The following SH3RF2 variants were observed in gnomAD, a reference collection of about 807,000 sequenced individuals.
SH3RF2 encodes SH3 domain containing ring finger 2, also known as E3 ubiquitin-protein ligase SH3RF2.
SH3RF2 carries 43 observed loss-of-function variants against 59.0 expected under a neutral mutation model. The ratio of observed to expected loss-of-function variants is 0.73; its 90% CI spans 0.57 to 0.94. The LOEUF (loss-of-function observed/expected upper bound fraction) is 0.94, where lower values mean the gene tolerates loss of function less well. SH3RF2 is among the 40% of genes least tolerant of loss of function. The probability of loss-of-function intolerance (pLI) is 0.00; values close to 1 mark genes in which losing one functional copy is unlikely to be tolerated. For missense variants in SH3RF2, 930 were observed against 940.1 expected, an observed-to-expected ratio of 0.99 and a Z score of 0.14; for synonymous variants, 391 against 391.5, an observed-to-expected ratio of 1.00 and a Z score of 0.01.
At chr5:145,987,515 C>T (rs1269731049) in intron 2 of SH3RF2, among the ~76,000 whole-genome samples, 1 of 152,152 alleles carries the variant, frequency 6.6e-6, no homozygotes, top group African/African-American at 2.4e-5. Flanking sequence ...TATAAATAAG[C>T]AGCTAATAAA....
intron 2 of SH3RF2, among the ~76,000 whole-genome samples, chr5:145,984,735 C>G (rs1759634478): frequency 6.6e-6 from 1 of 152,198 alleles, no homozygotes; most frequent in Non-Finnish European, 1.5e-5. Context: ...AAGTTCAGCT[C>G]TATAGGCAGG....
chr5:145,987,602 T>C (rs1759764511), intron 2 of SH3RF2, among the ~76,000 whole-genome samples: 1 of 152,232 alleles, frequency 6.6e-6, no homozygotes. Context: ...ATAATTCTTT[T>C]CCTTCATCAC....
At chr5:146,040,243 G>C (rs138855903) in intron 5 of SH3RF2, among the ~76,000 whole-genome samples, 99 of 152,230 alleles carry the variant, frequency 6.5e-4, no homozygotes, top group African/African-American at 2.3e-3. Flanking sequence ...GCAGGTGTCT[G>C]TTTTACGGGT....
intron 7 of SH3RF2, among the ~76,000 whole-genome samples, chr5:146,049,575 A>C (rs779349436): frequency 7.9e-5 from 12 of 152,052 alleles, no homozygotes; most frequent in Non-Finnish European, 1.6e-4. Flanking sequence ...TTTCTTCTGC[A>C]CAAATCCCAG....
chr5:146,028,163 AACACACACACACACACACACAC>A (rs10586561), intron 5 of SH3RF2, among the ~76,000 whole-genome samples: 11 of 142,308 alleles, frequency 7.7e-5, no homozygotes, highest in African/African-American at 2.7e-4. Context: ...TGAGGCCTGC[AACACACACACACACACACACAC>A]ACACACACAC....
exon 10 of SH3RF2, chr5:146,079,882 C>G (rs982928302): frequency 6.6e-6 from 1 of 152,108 alleles, no homozygotes; most frequent in Non-Finnish European, 1.5e-5. Flanking sequence ...TCTTCAAAGC[C>G]CTCTTAGTCA....
At position 145,960,498 on chromosome 5, in the gene SH3RF2, C is replaced by A. The variant is rs1249420746; in HGVS notation, c.378+22192C>A. 2.6e-5 allele frequency among the ~76,000 whole-genome samples: 4 copies of A among 152,252 alleles called. No individual in the cohort carries two copies. The East Asian group carries it at 7.7e-4, about 29-fold the overall frequency. On this transcript the variant is annotated intron_variant, in intron 2 of 9. Transcript: ENST00000359120. ...ATTTTGGACTTAAATGATCCAGAAG[C>A]TTTCCAAAAAAGGCCTGATTCTAAC...
intron 4 of SH3RF2, among the ~76,000 whole-genome samples, chr5:146,008,588 G>A (rs1176804400): frequency 2.6e-5 from 4 of 152,082 alleles, no homozygotes; most frequent in Admixed American, 6.6e-5. Flanking sequence ...CCCTATTTCT[G>A]TTCTGGCACT....
intron 5 of SH3RF2, among the ~76,000 whole-genome samples, chr5:146,024,046 T>G (rs1336182925): frequency 6.6e-6 from 1 of 152,250 alleles, no homozygotes; most frequent in Non-Finnish European, 1.5e-5. Flanking sequence ...TTTTGGCTAT[T>G]TTGAATAATG....
intron 2 of SH3RF2, among the ~76,000 whole-genome samples, chr5:145,962,959 G>A (rs562600698): frequency 2.7e-4 from 38 of 142,412 alleles, no homozygotes; most frequent in African/African-American, 8.1e-4. Flanking sequence ...GTGCAGTGGC[G>A]CAATCTTGGC....
At chr5:146,040,619 G>A (rs972954845) in intron 5 of SH3RF2, among the ~76,000 whole-genome samples, 1 of 152,148 alleles carries the variant, frequency 6.6e-6, no homozygotes, top group Admixed American at 6.5e-5. Flanking sequence ...TATAACCCCT[G>A]CAGACCTGGC....
chr5:146,043,660 C>T (rs1418744171), intron 5 of SH3RF2: 2 of 152,184 alleles, frequency 1.3e-5, no homozygotes, highest in Admixed American at 1.3e-4. Flanking sequence ...TCTTGGCAAC[C>T]CTTAATCTGT....
intron 9 of SH3RF2, among the ~76,000 whole-genome samples, chr5:146,068,366 G>C (rs1356939730): frequency 1.3e-5 from 2 of 152,336 alleles, no homozygotes; most frequent in Non-Finnish European, 2.9e-5. Context: ...CTCTCCAGCT[G>C]GGACCAAGTG....
At chr5:145,993,989 G>A (rs1318149459) in intron 2 of SH3RF2, among the ~76,000 whole-genome samples, 1 of 152,156 alleles carries the variant, frequency 6.6e-6, no homozygotes, top group East Asian at 1.9e-4. Context: ...AAAACTGAAT[G>A]CCTTTAACAG....
chr5:145,992,048 G>T (rs544152253), intron 2 of SH3RF2, among the ~76,000 whole-genome samples: 45 of 152,228 alleles, frequency 3.0e-4, no homozygotes, highest in African/African-American at 1.0e-3. Flanking sequence ...ACACCTCCCA[G>T]ATTCTCATAG....
intron 5 of SH3RF2, among the ~76,000 whole-genome samples, chr5:146,019,887 G>C (rs1554116661): frequency 2.6e-5 from 4 of 151,988 alleles, no homozygotes; most frequent in Non-Finnish European, 4.4e-5. Flanking sequence ...AAGGGATTGA[G>C]TTCTTTATTT....
At chr5:145,937,783 A>C in intron 1 of SH3RF2, 40 bp from the exon 2 acceptor site, 3 of 889,452 alleles carry the variant, frequency 3.4e-6, no homozygotes, top group Non-Finnish European at 5.2e-6. Flanking sequence ...CTCTCGGAGC[A>C]GTCACATTTT....
Position 146,013,802 on chromosome 5 carries a change from G to A in SH3RF2, c.800G>A (p.Arg267His), listed in dbSNP as rs757577938. The A allele has an allele frequency of 4.5e-5, 72 of 1,613,926 alleles. No homozygotes were observed. Among genetic ancestry groups the A allele is most frequent in the Middle Eastern group, 1.6e-4 (1 of 6,082 alleles). ...AAGAACAAAGGTCGCCAGTCATCCC[G>A]CACAAAAAACCTGTCCCTGGTGTCC... ...LEKNKGRQSS[R>H]TKNLSLVSSS... Residue 267 changes from arginine (R) to histidine (H), a missense_variant, in exon 5 of 10, where the codon CGC (arginine) becomes CAC (histidine). Coordinates refer to ENST00000359120, the MANE Select transcript of SH3RF2 (RefSeq NM_152550.4).
chr5:145,968,167 G>A, intron 2 of SH3RF2, among the ~76,000 whole-genome samples: 1 of 152,182 alleles, frequency 6.6e-6, no homozygotes, highest in Non-Finnish European at 1.5e-5. Context: ...CTATCAAAAT[G>A]TACAATGTAT....
Sources: gnomAD v4.1 joint callset for allele counts (sites outside exome capture counted in the v4.1 genomes callset) on GRCh38, gnomAD v4.1.1 for gene constraint, MANE v1.5 for transcripts, NCBI Gene and HGNC (gene_info 2026-07-23, HGNC 2026-07-21) for gene names.